VPS41: variants seen among roughly 807,000 people sequenced by gnomAD.
VPS41 encodes the protein VPS41 subunit of HOPS complex.
VPS41 carries 85 observed loss-of-function variants against 130.9 expected under a neutral mutation model. That is an observed-to-expected ratio of 0.65 (90% CI 0.55 to 0.78). The LOEUF (loss-of-function observed/expected upper bound fraction) is 0.78. Ranked by LOEUF, VPS41 falls within the 30% of genes least tolerant of loss-of-function variation. The pLI, the probability that VPS41 is intolerant of heterozygous loss-of-function variation, is 0.00. For missense variants in VPS41, 874 were observed against 1,018.7 expected, an observed-to-expected ratio of 0.86 and a Z score of 1.93; for synonymous variants, 335 against 332.9, an observed-to-expected ratio of 1.01 and a Z score of -0.07.
chr7:38,771,541 G>A (rs1784153236), intron 13 of VPS41, among the ~76,000 whole-genome samples: 1 of 152,098 alleles, frequency 6.6e-6, no homozygotes, highest in Non-Finnish European at 1.5e-5. Context: ...TCCTCATTAG[G>A]ACAATGGAAT....
chr7:38,739,944 T>C (rs1465564367), intron 25 of VPS41, among the ~76,000 whole-genome samples: 1 of 152,244 alleles, frequency 6.6e-6, no homozygotes, highest in African/African-American at 2.4e-5. Flanking sequence ...AATAATTTCA[T>C]TTTTATTACC....
chr7:38,728,650 G>A (rs1443819022), intron 26 of VPS41, 42 bp downstream of exon 26: 1 of 1,613,548 alleles, frequency 6.2e-7, no homozygotes, highest in South Asian at 1.1e-5. Context: ...ATTTCTGAAA[G>A]CAGGGCACGT....
In VPS41 at chr7:38,780,168, GT is replaced by G. The variant is rs1159827807; in HGVS notation, c.785-3393del. Among the ~76,000 whole-genome samples, 650 of 129,218 alleles carry G rather than the reference GT, an allele frequency of 5.0e-3. 7 individuals carry two copies. Among genetic ancestry groups the G allele is most frequent in the African/African-American group, 0.017 (581 of 35,052 alleles). 84.8% of individuals were successfully genotyped at this position (129,218 alleles called of 152,430 possible). ...ACAGGGAGCAAAAGCTGGACAGGGTGTTTTTTTTTTTGGTTTTTGTTTTTTT... is the reference window on the plus strand; with the variant it reads ...ACAGGGAGCAAAAGCTGGACAGGGTGTTTTTTTTTTGGTTTTTGTTTTTTT... On this transcript the variant is annotated intron_variant, in intron 10 of 28. Transcript: ENST00000310301.
At chr7:38,813,155 TGATA>T in intron 7 of VPS41, among the ~76,000 whole-genome samples, 1 of 151,980 alleles carries the variant, frequency 6.6e-6, no homozygotes, top group Non-Finnish European at 1.5e-5. Context: ...GAATAAAACA[TGATA>T]GATCTATACA....
chr7:38,746,906 G>A (rs2286099), intron 22 of VPS41, among the ~76,000 whole-genome samples: 51,329 of 151,936 alleles, frequency 0.34, 9,385 homozygotes, highest in Admixed American at 0.55. Flanking sequence ...GGTCACCCAA[G>A]GTGGACGAAC....
intron 22 of VPS41, among the ~76,000 whole-genome samples, chr7:38,751,721 G>C (rs911363517): frequency 2.0e-5 from 3 of 152,094 alleles, no homozygotes; most frequent in African/African-American, 7.2e-5. Flanking sequence ...ACATAGGGTA[G>C]ACACTTAAAG....
intron 7 of VPS41, among the ~76,000 whole-genome samples, chr7:38,798,832 G>C (rs1784670589): frequency 6.6e-6 from 1 of 152,072 alleles, no homozygotes; most frequent in South Asian, 2.1e-4. Context: ...GAGGAGAACA[G>C]TCTGCACCTG....
At chr7:38,744,276 A>C (rs1326103411) in intron 23 of VPS41, among the ~76,000 whole-genome samples, 1 of 152,158 alleles carries the variant, frequency 6.6e-6, no homozygotes, top group African/African-American at 2.4e-5. Context: ...AGCCTTACTC[A>C]GTGGAGGGAC....
intron 3 of VPS41, among the ~76,000 whole-genome samples, chr7:38,863,073 T>C (rs1275943671): frequency 1.3e-5 from 2 of 152,220 alleles, no homozygotes; most frequent in African/African-American, 4.8e-5. Flanking sequence ...TTTTTTCGAA[T>C]GGAAAATCCA....
At chr7:38,908,264 CTTAAG>C (rs1480588031) in intron 1 of VPS41, among the ~76,000 whole-genome samples, 3 of 152,170 alleles carry the variant, frequency 2.0e-5, no homozygotes, top group Admixed American at 6.5e-5. Flanking sequence ...GAAATGGAAA[CTTAAG>C]TTATCTCCCC....
chr7:38,819,536 T>C (rs936735877), intron 6 of VPS41, among the ~76,000 whole-genome samples: 4 of 152,180 alleles, frequency 2.6e-5, no homozygotes, highest in African/African-American at 9.7e-5. Context: ...TCATGTATAG[T>C]GACCCTCCTG....
At chr7:38,804,741 C>G (rs968646977) in intron 7 of VPS41, among the ~76,000 whole-genome samples, 1 of 152,268 alleles carries the variant, frequency 6.6e-6, no homozygotes, top group African/African-American at 2.4e-5. Flanking sequence ...GCTTGGCAAT[C>G]AAGCCAGCAT....
intron 22 of VPS41, among the ~76,000 whole-genome samples, chr7:38,746,714 C>T (rs1051757288): frequency 6.6e-6 from 1 of 151,900 alleles, no homozygotes; most frequent in African/African-American, 2.4e-5. Flanking sequence ...TTGCATCGCT[C>T]CACTCAGACT....
intron 9 of VPS41, among the ~76,000 whole-genome samples, chr7:38,792,351 G>C (rs973170116): frequency 2.6e-5 from 4 of 152,192 alleles, no homozygotes; most frequent in Non-Finnish European, 4.4e-5. Flanking sequence ...GTGGATAACA[G>C]GCATCTCTCA....
chr7:38,797,074 G>A (rs1357069398), intron 7 of VPS41: 2 of 524,930 alleles, frequency 3.8e-6, no homozygotes, highest in Admixed American at 6.6e-5. Context: ...TAAAATGGAT[G>A]AGTGTTGAAG....
chr7:38,906,674 AGAG>A (rs971299837), intron 1 of VPS41, among the ~76,000 whole-genome samples: 1 of 152,158 alleles, frequency 6.6e-6, no homozygotes, highest in Non-Finnish European at 1.5e-5. Context: ...ACACCACTGG[AGAG>A]GAGAATGCCC....
chr7:38,871,475 A>C (rs77797553), intron 2 of VPS41, among the ~76,000 whole-genome samples: 4,453 of 152,296 alleles, frequency 0.029, 127 homozygotes, highest in African/African-American at 0.071. Flanking sequence ...TAAAAGAAAA[A>C]ACAAACAAAC....
Position 38,737,297 on chromosome 7 carries a change from G to A in VPS41, c.2259+4688C>T, listed in dbSNP as rs562794652. Among the ~76,000 whole-genome samples, 4 of 152,238 alleles carry A rather than the reference G, an allele frequency of 2.6e-5. No homozygotes were observed. In the South Asian group the frequency reaches 8.3e-4, roughly 32 times the overall value. On this transcript the variant is annotated intron_variant, in intron 25 of 28. Transcript: ENST00000310301. ...TGATGCAGGAGAATTGTTTGAACTAGAGAGGTGGAGTTTGCAGTGAGCTGA... is the reference window on the plus strand; with the variant it reads ...TGATGCAGGAGAATTGTTTGAACTAAAGAGGTGGAGTTTGCAGTGAGCTGA...
chr7:38,780,857 TC>T (rs1784343663), intron 10 of VPS41, among the ~76,000 whole-genome samples: 1 of 152,172 alleles, frequency 6.6e-6, no homozygotes, highest in African/African-American at 2.4e-5. Flanking sequence ...AGCACAATCC[TC>T]TTGGTACTGT....
Sources: allele counts gnomAD v4.1 joint callset (sites outside exome capture counted in the v4.1 genomes callset), GRCh38; gene constraint gnomAD v4.1.1; transcripts MANE v1.5; gene names NCBI Gene and HGNC (gene_info 2026-07-23, HGNC 2026-07-21).